SPIDR: variants seen among roughly 807,000 people sequenced by gnomAD.
SPIDR encodes the protein DNA repair-scaffolding protein.
SPIDR carries 93 observed loss-of-function variants against 104.6 expected under a neutral mutation model. The observed-to-expected ratio is 0.89, with a 90% CI of 0.75 to 1.06. The LOEUF (loss-of-function observed/expected upper bound fraction) is 1.06, where lower values mean the gene tolerates loss of function less well. Among genes scored for constraint, SPIDR ranks in the 50% least tolerant of loss-of-function variants. The probability of loss-of-function intolerance (pLI) is 0.00; values close to 1 mark genes in which losing one functional copy is unlikely to be tolerated. For synonymous variants in SPIDR, 431 were observed against 416.9 expected (o/e 1.03, Z -0.41); for missense variants, 1,154 against 1,111.2 (o/e 1.04, Z -0.55).
At chr8:47,548,302 TA>T (rs1390351586) in intron 8 of SPIDR, among the ~76,000 whole-genome samples, 1 of 152,206 alleles carries the variant, frequency 6.6e-6, no homozygotes, top group Non-Finnish European at 1.5e-5. Context: ...CTATGCACAT[TA>T]ACACAAAGAA....
intron 8 of SPIDR, among the ~76,000 whole-genome samples, chr8:47,485,289 G>C (rs1253998719): frequency 6.6e-6 from 1 of 152,190 alleles, no homozygotes; most frequent in Admixed American, 6.5e-5. Context: ...ACTGCAAGGC[G>C]GCAGCGAGGC....
chr8:47,542,958 T>G (rs765672069), intron 8 of SPIDR, among the ~76,000 whole-genome samples: 2 of 152,222 alleles, frequency 1.3e-5, no homozygotes, highest in Non-Finnish European at 2.9e-5. Flanking sequence ...CCTTTTGAAA[T>G]TGGCTTTTTT....
At chr8:47,458,978 T>C (rs1347913741) in intron 8 of SPIDR, among the ~76,000 whole-genome samples, 1 of 152,202 alleles carries the variant, frequency 6.6e-6, no homozygotes, top group East Asian at 1.9e-4. Context: ...TGTCCCTGCA[T>C]CCCTGGTATG....
chr8:47,530,664 A>G (rs1367892158), intron 8 of SPIDR, among the ~76,000 whole-genome samples: 1 of 152,152 alleles, frequency 6.6e-6, no homozygotes, highest in African/African-American at 2.4e-5. Context: ...GAACATTACT[A>G]TGCACTACTG....
chr8:47,480,332 C>G (rs781921412), intron 8 of SPIDR, among the ~76,000 whole-genome samples: 22 of 152,164 alleles, frequency 1.4e-4, no homozygotes, highest in Non-Finnish European at 2.9e-4. Flanking sequence ...AAAGCTATAT[C>G]TTAGATACAA....
rs868919708 is a variant in SPIDR at position 47,265,215 on chromosome 8, A to G, written c.33+4224A>G. Among the ~76,000 whole-genome samples the G allele has an allele frequency of 2.2e-4, 30 of 133,718 alleles. No individual in the cohort carries two copies. The Middle Eastern group carries it at 0.012, about 55-fold the overall frequency. 87.7% of individuals were successfully genotyped at this position (133,718 alleles called of 152,430 possible). A position where few individuals can be genotyped will look rare whatever the true frequency, so the allele number is the denominator to read the frequency against. The stretch of plus-strand genomic sequence containing the variant: ...TTTTTTTTTTTTTTTTTTTTGAGAC[A>G]GTCTTACTCTGTCGCCCAGGCTGGG... On this transcript the variant is annotated intron_variant, in intron 1 of 19. Coordinates refer to ENST00000297423, the MANE Select transcript of SPIDR (RefSeq NM_001080394.4).
At chr8:47,336,736 C>A (rs2049834822) in intron 5 of SPIDR, among the ~76,000 whole-genome samples, 1 of 152,226 alleles carries the variant, frequency 6.6e-6, no homozygotes, top group African/African-American at 2.4e-5. Context: ...TATTAAAAAA[C>A]TGTGGGACTG....
At chr8:47,505,549 C>A (rs972233269) in intron 8 of SPIDR, among the ~76,000 whole-genome samples, 2 of 152,224 alleles carry the variant, frequency 1.3e-5, no homozygotes, top group African/African-American at 4.8e-5. Context: ...CTTTCTTTGA[C>A]TAGGAAAGGG....
intron 5 of SPIDR, among the ~76,000 whole-genome samples, chr8:47,335,958 G>C (rs1554608817): frequency 2.0e-5 from 3 of 151,174 alleles, no homozygotes; most frequent in African/African-American, 4.9e-5. Context: ...CTAGCTTGCT[G>C]TTCTTAGTTT....
At chr8:47,609,590 A>G (rs374596214) in intron 10 of SPIDR, among the ~76,000 whole-genome samples, 49 of 152,244 alleles carry the variant, frequency 3.2e-4, no homozygotes, top group South Asian at 1.7e-3. Flanking sequence ...GTGGCAGAAA[A>G]TGGATCCATT....
chr8:47,437,127 G>A (rs1042914175), intron 7 of SPIDR, among the ~76,000 whole-genome samples: 1 of 151,904 alleles, frequency 6.6e-6, no homozygotes, highest in Non-Finnish European at 1.5e-5. Flanking sequence ...AAGTTTTAGG[G>A]TACATGTGCA....
At chr8:47,342,017 A>C (rs1446188743) in intron 5 of SPIDR, among the ~76,000 whole-genome samples, 6 of 151,900 alleles carry the variant, frequency 3.9e-5, no homozygotes, top group African/African-American at 1.5e-4. Context: ...CCTTTTTATT[A>C]CTATTTCTAG....
At chr8:47,675,023 TTTTTG>T in intron 11 of SPIDR, among the ~76,000 whole-genome samples, 1 of 152,246 alleles carries the variant, frequency 6.6e-6, no homozygotes, top group South Asian at 2.1e-4. Context: ...GTTTTTTTGT[TTTTTG>T]TTTTGTCTTG....
At chr8:47,710,970 G>T (rs1451180698) in intron 14 of SPIDR, among the ~76,000 whole-genome samples, 1 of 151,522 alleles carries the variant, frequency 6.6e-6, no homozygotes, top group African/African-American at 2.4e-5. Context: ...TAGAGATGGG[G>T]TCTCACTATA....
intron 8 of SPIDR, among the ~76,000 whole-genome samples, chr8:47,441,434 T>C (rs2069407318): frequency 6.6e-6 from 1 of 152,314 alleles, no homozygotes; most frequent in South Asian, 2.1e-4. Flanking sequence ...TTTCATTTTA[T>C]GTCCATTGAT....
intron 5 of SPIDR, among the ~76,000 whole-genome samples, chr8:47,338,672 GTATC>G (rs2154273268): frequency 6.6e-6 from 1 of 152,220 alleles, no homozygotes; most frequent in East Asian, 1.9e-4. Flanking sequence ...ATACTTAAGA[GTATC>G]TATTTTCTAT....
intron 11 of SPIDR, among the ~76,000 whole-genome samples, chr8:47,693,244 A>G (rs1448923242): frequency 6.6e-6 from 1 of 152,256 alleles, no homozygotes; most frequent in Non-Finnish European, 1.5e-5. Flanking sequence ...TCTGGAAGGC[A>G]TTATTTTTAC....
intron 10 of SPIDR, among the ~76,000 whole-genome samples, chr8:47,604,714 C>G (rs2062731023): frequency 1.3e-5 from 2 of 152,122 alleles, no homozygotes; most frequent in South Asian, 4.1e-4. Context: ...GAAGGATGTT[C>G]CCATTTGCTG....
Position 47,721,368 on chromosome 8 carries a change from A to G in SPIDR, c.2342-5832A>G, listed in dbSNP as rs181750965. ...AAAAGACTGTTCTTTCTCCATTGAA[A>G]TGTCTTTGTTCCTTTGTCAAAGATC... On this transcript the variant is annotated intron_variant, in intron 16 of 19. Coordinates refer to ENST00000297423, the MANE Select transcript of SPIDR (RefSeq NM_001080394.4). Among the ~76,000 whole-genome samples, 452 of 152,224 alleles carry G rather than the reference A, an allele frequency of 3.0e-3. 3 individuals are homozygous for G. The highest frequency in any genetic ancestry group is 0.02 in the Middle Eastern group (6 of 294).
Sources: allele counts gnomAD v4.1 joint callset (sites outside exome capture counted in the v4.1 genomes callset), GRCh38; gene constraint gnomAD v4.1.1; transcripts MANE v1.5; gene names NCBI Gene and HGNC (gene_info 2026-07-23, HGNC 2026-07-21).